The following MRPL13 variants were observed in gnomAD, a reference collection of about 807,000 sequenced individuals.
MRPL13 encodes large ribosomal subunit protein uL13m.
In MRPL13, 33 loss-of-function variants were observed where a neutral mutation model predicts 29.0. That is an observed-to-expected ratio of 1.14 (90% CI 0.86 to 1.52). MRPL13 has a LOEUF of 1.52. MRPL13 is among the 40% of genes most tolerant of loss of function. The probability of loss-of-function intolerance (pLI) is 0.00; values close to 1 mark genes in which losing one functional copy is unlikely to be tolerated. For synonymous variants in MRPL13, 77 were observed against 68.4 expected (o/e 1.13, Z -0.62); for missense variants, 227 against 216.7 (o/e 1.05, Z -0.30).
intron 3 of MRPL13, among the ~76,000 whole-genome samples, chr8:120,427,770 C>T (rs1044651776): frequency 2.6e-5 from 4 of 151,936 alleles, no homozygotes; most frequent in Non-Finnish European, 4.4e-5. Context: ...TCAAGACCAG[C>T]CTGGGCAACA....
rs112921635 is a variant in MRPL13 at position 120,409,102 on chromosome 8, G to A, written c.515+4889C>T. On this transcript the variant is annotated intron_variant, in intron 6 of 6. Transcript: ENST00000306185. Reference sequence around the variant, plus strand: ...CACATTTCTAATAGCACACTCTAGAGTACTGAAACACCAGGAACACAGGTT... The same window carrying A: ...CACATTTCTAATAGCACACTCTAGAATACTGAAACACCAGGAACACAGGTT... 8.5e-4 allele frequency among the ~76,000 whole-genome samples: 129 copies of A among 152,238 alleles called. 1 individual carries two copies. In the Middle Eastern group the frequency reaches 0.01, roughly 12 times the overall value.
chr8:120,439,666 A>G (rs1444980756), intron 2 of MRPL13, among the ~76,000 whole-genome samples: 1 of 152,216 alleles, frequency 6.6e-6, no homozygotes, highest in Non-Finnish European at 1.5e-5. Flanking sequence ...TGGGCCAGAC[A>G]TTGTACTGGG....
chr8:120,412,735 T>C (rs577588975), intron 6 of MRPL13, among the ~76,000 whole-genome samples: 2 of 152,310 alleles, frequency 1.3e-5, no homozygotes, highest in South Asian at 4.2e-4. Flanking sequence ...ATTTCTAAGA[T>C]GTAAATGTTG....
At chr8:120,414,254 CT>C in intron 5 of MRPL13, 142 bp from the exon 6 acceptor site, 1 of 691,372 alleles carries the variant, frequency 1.4e-6, no homozygotes, top group Non-Finnish European at 2.0e-6. Context: ...AAATAAAAAC[CT>C]TATAAAAATT....
intron 5 of MRPL13, among the ~76,000 whole-genome samples, chr8:120,416,929 C>T (rs1812810217): frequency 6.6e-6 from 1 of 152,160 alleles, no homozygotes. Context: ...CCAAATAGGT[C>T]TAATATTGTC....
intron 2 of MRPL13, among the ~76,000 whole-genome samples, chr8:120,441,929 A>G (rs1343470443): frequency 6.6e-6 from 1 of 152,210 alleles, no homozygotes; most frequent in African/African-American, 2.4e-5. Flanking sequence ...AACTGTATTT[A>G]GGTGGAGAGT....
chr8:120,413,391 A>T (rs1346931372), intron 6 of MRPL13, among the ~76,000 whole-genome samples: 1 of 152,178 alleles, frequency 6.6e-6, no homozygotes, highest in Non-Finnish European at 1.5e-5. Flanking sequence ...ACCCATAATG[A>T]GAGCCTAACC....
intron 6 of MRPL13, among the ~76,000 whole-genome samples, chr8:120,410,142 A>T (rs1812724141): frequency 6.6e-6 from 1 of 152,218 alleles, no homozygotes. Context: ...TCAAATTATA[A>T]GATGTACATT....
intron 2 of MRPL13, among the ~76,000 whole-genome samples, chr8:120,434,195 C>T (rs1813027334): frequency 6.6e-6 from 1 of 152,072 alleles, no homozygotes; most frequent in African/African-American, 2.4e-5. Context: ...CCTACACCGC[C>T]TCAATGTTTT....
At chr8:120,423,632 A>G (rs746106801) in intron 4 of MRPL13, among the ~76,000 whole-genome samples, 4 of 152,166 alleles carry the variant, frequency 2.6e-5, no homozygotes, top group Non-Finnish European at 5.9e-5. Flanking sequence ...AGAATTCCAC[A>G]TATAGCAAAA....
chr8:120,408,839 T>G (rs1309267391), intron 6 of MRPL13, among the ~76,000 whole-genome samples: 1 of 152,220 alleles, frequency 6.6e-6, no homozygotes, highest in East Asian at 1.9e-4. Flanking sequence ...TATCAGAGAA[T>G]ATGCACTAAG....
chr8:120,417,564 C>T (rs1586922020), intron 5 of MRPL13, among the ~76,000 whole-genome samples: 1 of 151,886 alleles, frequency 6.6e-6, no homozygotes, highest in South Asian at 2.1e-4. Context: ...TCACTGTAGC[C>T]GTATAGATTT....
At chr8:120,396,161 A>G in intron 6 of MRPL13, 36 bp from the exon 7 acceptor site, 1 of 1,509,228 alleles carries the variant, frequency 6.6e-7, no homozygotes, top group African/African-American at 1.4e-5. Context: ...TTCATGAATC[A>G]TTATTTTGTT....
intron 6 of MRPL13, among the ~76,000 whole-genome samples, chr8:120,400,003 TAA>T (rs768342882): frequency 2.6e-5 from 4 of 152,134 alleles, no homozygotes; most frequent in Non-Finnish European, 4.4e-5. Flanking sequence ...TAGAGACCTA[TAA>T]AGAGACTTAG....
chr8:120,429,702 A>G (rs907832927), intron 3 of MRPL13, among the ~76,000 whole-genome samples: 11 of 152,140 alleles, frequency 7.2e-5, no homozygotes, highest in Non-Finnish European at 1.2e-4. Context: ...TTGTATATAC[A>G]GTTATCCCTC....
At chr8:120,442,182 T>G (rs1478578266) in intron 2 of MRPL13, among the ~76,000 whole-genome samples, 2 of 152,154 alleles carry the variant, frequency 1.3e-5, no homozygotes, top group African/African-American at 4.8e-5. Flanking sequence ...TCTACCAGAA[T>G]AGTCAAAACT....
intron 3 of MRPL13, among the ~76,000 whole-genome samples, chr8:120,429,825 T>C (rs1002868336): frequency 1.3e-5 from 2 of 152,218 alleles, no homozygotes; most frequent in African/African-American, 4.8e-5. Context: ...ACACATCCTC[T>C]TGTATACTTC....
intron 6 of MRPL13, among the ~76,000 whole-genome samples, chr8:120,413,717 A>T (rs1348417700): frequency 6.6e-6 from 1 of 152,192 alleles, no homozygotes; most frequent in Non-Finnish European, 1.5e-5. Context: ...TTCATATATC[A>T]TTCCTAAAGA....
At chr8:120,435,780 C>A (rs1390137860) in intron 2 of MRPL13, among the ~76,000 whole-genome samples, 2 of 152,134 alleles carry the variant, frequency 1.3e-5, no homozygotes, top group Non-Finnish European at 2.9e-5. Context: ...CTCAGCCTTG[C>A]CAATGTCTAT....
Sources: allele counts gnomAD v4.1 joint callset (sites outside exome capture counted in the v4.1 genomes callset), GRCh38; gene constraint gnomAD v4.1.1; transcripts MANE v1.5; gene names NCBI Gene and HGNC (gene_info 2026-07-23, HGNC 2026-07-21).